Variants in KLHL4 observed in about 807,000 individuals in gnomAD.
KLHL4 encodes the protein kelch-like protein 4.
KLHL4 carries 17 observed loss-of-function variants against 45.8 expected under a neutral mutation model. The ratio of observed to expected loss-of-function variants is 0.37; its 90% CI spans 0.25 to 0.56. The LOEUF (loss-of-function observed/expected upper bound fraction) is 0.56, where lower values mean the gene tolerates loss of function less well. Among genes scored for constraint, KLHL4 ranks in the 20% least tolerant of loss-of-function variants. KLHL4 has a pLI of 0.79. For synonymous variants in KLHL4, 224 were observed against 189.9 expected (o/e 1.18, Z -1.47); for missense variants, 544 against 544.9 (o/e 1.00, Z 0.02).
chrX:87,567,548 A>G (rs1210410674), intron 1 of KLHL4, among the ~76,000 whole-genome samples: 1 of 111,795 alleles, frequency 8.9e-6, no homozygotes, highest in African/African-American at 3.2e-5. Context: ...AAAGTTAGCA[A>G]TAACTCAAAT....
chrX:87,615,701 T>A (rs935516202), intron 3 of KLHL4, among the ~76,000 whole-genome samples: 4 of 111,520 alleles, frequency 3.6e-5, no homozygotes, highest in African/African-American at 9.7e-5. Context: ...TGTGAAAATA[T>A]GCCAGATAAA....
At position 87,667,464 on chromosome X, in the gene KLHL4, A is replaced by G. The variant is rs1170267196; in HGVS notation, c.*930A>G. 7.1e-6 allele frequency: 5 copies of G among 704,101 alleles called. No individual in the cohort carries two copies. The highest frequency in any genetic ancestry group is 8.4e-6 in the Non-Finnish European group (5 of 593,679). 58.0% of individuals were successfully genotyped at this position (704,101 alleles called of 1,213,427 possible). ...AAAATTGAGGATGTTACTCAGTGTTAACACATGGGAACACCAAAATATTCA... is the reference window on the plus strand; with the variant it reads ...AAAATTGAGGATGTTACTCAGTGTTGACACATGGGAACACCAAAATATTCA... On this transcript the variant is annotated 3_prime_UTR_variant, in exon 11 of 11. Transcript: ENST00000373119.
chrX:87,627,113 C>T (rs1480330341), intron 6 of KLHL4, among the ~76,000 whole-genome samples: 1 of 111,613 alleles, frequency 9.0e-6, no homozygotes, highest in African/African-American at 3.3e-5. Flanking sequence ...GCCATCATGG[C>T]CAGAGGTGTC....
chrX:87,654,939 G>C (rs1923939276), intron 9 of KLHL4, among the ~76,000 whole-genome samples: 1 of 111,500 alleles, frequency 9.0e-6, no homozygotes. Flanking sequence ...CCATTTATAT[G>C]TCGTTTTTAA....
At chrX:87,595,017 C>G (rs1244605377) in intron 1 of KLHL4, among the ~76,000 whole-genome samples, 2 of 96,602 alleles carry the variant, frequency 2.1e-5, no homozygotes, top group African/African-American at 7.7e-5. Context: ...CTACCCTTCT[C>G]TCTTTTTTTT....
At chrX:87,565,644 T>G (rs181180401) in intron 1 of KLHL4, among the ~76,000 whole-genome samples, 309 of 92,664 alleles carry the variant, frequency 3.3e-3, no homozygotes, top group African/African-American at 0.012. Flanking sequence ...AAAAATTGTT[T>G]GAACCCTGGA....
Position 87,614,495 on chromosome X carries a change from G to C in KLHL4, c.652G>C (p.Ala218Pro), listed in dbSNP as rs1253543885. 10 of 1,207,094 alleles carry C rather than the reference G, an allele frequency of 8.3e-6. No individual in the cohort carries two copies. The part of the protein sequence containing the change: ...AAMFTNDVLE[A>P]KQEEVRMEGV... ...AATGTTTACTAATGATGTGCTTGAA[G>C]CCAAACAAGAAGAGGTCAGGATGGA... Residue 218 changes from alanine to proline, a missense_variant, in exon 3 of 11, where the codon GCC becomes CCC. By Grantham distance (27) the Ala-to-Pro change is conservative. Transcript: ENST00000373119.
chrX:87,638,735 T>A (rs1923350367), intron 9 of KLHL4, among the ~76,000 whole-genome samples: 1 of 109,716 alleles, frequency 9.1e-6, no homozygotes, highest in Non-Finnish European at 1.9e-5. Context: ...AAAAATAGAG[T>A]CTCCTTAAAG....
intron 9 of KLHL4, among the ~76,000 whole-genome samples, chrX:87,660,802 C>T (rs1437357849): frequency 8.9e-6 from 1 of 112,706 alleles, no homozygotes; most frequent in Non-Finnish European, 1.9e-5. Flanking sequence ...TGAGATCGTG[C>T]AACTGCACTC....
At chrX:87,587,021 A>G (rs1164871911) in intron 1 of KLHL4, among the ~76,000 whole-genome samples, 1 of 108,984 alleles carries the variant, frequency 9.2e-6, no homozygotes, top group African/African-American at 3.3e-5. Flanking sequence ...GAAAATCTGG[A>G]AGAATTTGAC....
At position 87,622,394 on chromosome X, in the gene KLHL4, T is replaced by C; in HGVS notation, c.1108T>C (p.Tyr370His). ...RQGELGMLLS[Y>H]IRLPLLPPQL... ...AGGAGAACTGGGGATGCTGCTTTCTTACATCAGACTGCCATTACTCCCACC... is the reference window on the plus strand; with the variant it reads ...AGGAGAACTGGGGATGCTGCTTTCTCACATCAGACTGCCATTACTCCCACC... Residue 370 changes from tyrosine to histidine, a missense_variant, in exon 5 of 11, where the codon TAC (tyrosine) becomes CAC (histidine). Tyr to His is a moderately conservative substitution (Grantham distance 83, BLOSUM62 2). Transcript: ENST00000373119. 8.3e-7 allele frequency: 1 copy of C among 1,203,029 alleles called. No individual in the cohort carries two copies.
At chrX:87,616,342 A>C (rs1222816093) in intron 3 of KLHL4, among the ~76,000 whole-genome samples, 3 of 111,563 alleles carry the variant, frequency 2.7e-5, no homozygotes, top group Non-Finnish European at 5.7e-5. Flanking sequence ...CCTTCCTTCA[A>C]CTTTCACCTT....
Position 87,669,103 on chromosome X carries a change from C to T in KLHL4, c.*2569C>T, listed in dbSNP as rs891500983. On this transcript the variant is annotated 3_prime_UTR_variant, in exon 11 of 11. Transcript: ENST00000373119. ...ACATGCTTTAGCAGAGATAACTTAT[C>T]AGGGCTAGTTTAAACAAATGTGTAT... 1.2e-4 allele frequency: 113 copies of T among 952,203 alleles called. No individual in the cohort carries two copies. The highest frequency in any genetic ancestry group is 1.4e-4 in the Non-Finnish European group (104 of 765,011). The allele number at this position is 952,203 out of a possible 1,213,427, so 78.5% of individuals were successfully genotyped here.
chrX:87,564,986 A>G (rs1932176721), intron 1 of KLHL4, among the ~76,000 whole-genome samples: 1 of 112,300 alleles, frequency 8.9e-6, no homozygotes, highest in Non-Finnish European at 1.9e-5. Flanking sequence ...CCACATCAGA[A>G]TGAAAGTAGA....
At chrX:87,574,472 C>T (rs1429060238) in intron 1 of KLHL4, among the ~76,000 whole-genome samples, 2 of 111,656 alleles carry the variant, frequency 1.8e-5, no homozygotes, top group Admixed American at 1.9e-4. Context: ...GAAACCCACT[C>T]AGTTTGTCAA....
chrX:87,602,911 G>A (rs1370666196), intron 1 of KLHL4, among the ~76,000 whole-genome samples: 1 of 111,605 alleles, frequency 9.0e-6, no homozygotes, highest in Non-Finnish European at 1.9e-5. Context: ...AAGGTGCCCT[G>A]ACACTTAAAA....
Position 87,544,721 on chromosome X carries a change from C to T in KLHL4, c.422+26406C>T, listed in dbSNP as rs770812493. Among the ~76,000 whole-genome samples, 6 of 111,770 alleles carry T rather than the reference C, an allele frequency of 5.4e-5. No individual in the cohort carries two copies. The South Asian group carries it at 1.9e-3, about 35-fold the overall frequency. On this transcript the variant is annotated intron_variant, in intron 1 of 10. Transcript: ENST00000373119. ...CCATCAAGGCAGTACCTCTATGAGTCTTCAAGAACCACAGCATTACAGGGT... is the reference window on the plus strand; with the variant it reads ...CCATCAAGGCAGTACCTCTATGAGTTTTCAAGAACCACAGCATTACAGGGT...
intron 1 of KLHL4, among the ~76,000 whole-genome samples, chrX:87,568,386 T>TTTC (rs58425194): frequency 0.27 from 18,883 of 69,146 alleles, 1,696 homozygotes; most frequent in East Asian, 0.44. Flanking sequence ...TTCTTTTCTT[T>TTTC]TTTTCTTTTT....
At chrX:87,589,488 G>T (rs1921589449) in intron 1 of KLHL4, among the ~76,000 whole-genome samples, 1 of 111,987 alleles carries the variant, frequency 8.9e-6, no homozygotes, top group Non-Finnish European at 1.9e-5. Context: ...TTAGAAAAAT[G>T]AGATATTGTC....
Sources: gnomAD v4.1 joint callset for allele counts (sites outside exome capture counted in the v4.1 genomes callset) on GRCh38, gnomAD v4.1.1 for gene constraint, MANE v1.5 for transcripts, NCBI Gene and HGNC (gene_info 2026-07-23, HGNC 2026-07-21) for gene names.